Variants in SORBS3 observed in about 807,000 individuals in gnomAD.
SORBS3 encodes vinexin.
Under a neutral mutation model 98.0 loss-of-function variants are expected in SORBS3, and 69 were observed. The ratio of observed to expected loss-of-function variants is 0.70; its 90% CI spans 0.58 to 0.86. The LOEUF (loss-of-function observed/expected upper bound fraction) is 0.86, where lower values mean the gene tolerates loss of function less well. Ranked by LOEUF, SORBS3 falls within the 40% of genes least tolerant of loss-of-function variation. The probability of loss-of-function intolerance (pLI) is 0.00; values close to 1 mark genes in which losing one functional copy is unlikely to be tolerated. For missense variants in SORBS3, 954 were observed against 908.5 expected (o/e 1.05, Z -0.64); for synonymous variants, 394 against 355.4 (o/e 1.11, Z -1.22).
rs774120305 is a variant in SORBS3, at chr8:22,561,962, C to T, written c.584+31C>T. ...CACAGTGGGGCGGGGCCGAGGGCTG[C>T]GGAGGGGCGCGGCCCGCGAGACACC... On this transcript the variant is annotated intron_variant, in intron 7 of 20. Coordinates refer to ENST00000240123, the MANE Select transcript of SORBS3 (RefSeq NM_005775.5). 30 of 1,605,592 alleles carry T rather than the reference C, an allele frequency of 1.9e-5. No individual in the cohort carries two copies. In the South Asian group the frequency reaches 2.9e-4, roughly 15 times the overall value.
Position 22,554,289 on chromosome 8 carries a change from C to T in SORBS3, c.-55-163C>T, listed in dbSNP as rs920670176. ...CCGGCAGGCACGGGCAGCCTGCAGG[C>T]GGGTGCCTGGCGTGGCCTGTTTCCT... On this transcript the variant is annotated intron_variant, in intron 1 of 20. Coordinates refer to ENST00000240123, the MANE Select transcript of SORBS3 (RefSeq NM_005775.5). The surrounding 1 kb of genome is among the most constrained non-coding windows in gnomAD (Gnocchi z 6.5). 6 of 616,410 alleles carry T rather than the reference C, an allele frequency of 9.7e-6. No individual in the cohort carries two copies. The highest frequency in any genetic ancestry group is 2.5e-5 in the South Asian group (1 of 40,056). The allele number at this position is 616,410 out of a possible 1,614,324, so 38.2% of individuals were successfully genotyped here. A position where few individuals can be genotyped will look rare whatever the true frequency, so the allele number is the denominator to read the frequency against.
At position 22,564,055 on chromosome 8, in the gene SORBS3, C is replaced by T; in HGVS notation, c.653C>T (p.Thr218Ile). The T allele has an allele frequency of 2.5e-6, 4 of 1,613,878 alleles. No homozygotes were observed. Among genetic ancestry groups the T allele is most frequent in the Non-Finnish European group, 3.4e-6 (4 of 1,179,996 alleles). The change falls in exon 8 of 21, where the codon ACT becomes ATT. Residue 218 changes from threonine to isoleucine, a missense_variant. Physicochemically the swap from Thr to Ile is moderately conservative, Grantham distance 89 (BLOSUM62 -1). Coordinates refer to ENST00000240123, the MANE Select transcript of SORBS3 (RefSeq NM_005775.5). ...AACTACAGACCTGGAGCATTCTCCA[C>T]TGTGCTGCAGCCCTCAAATCAGGTA... is the stretch of plus-strand genomic sequence containing the variant. ...TFNYRPGAFS[T>I]VLQPSNQVLR...
intron 3 of SORBS3, among the ~76,000 whole-genome samples, chr8:22,555,896 A>G (rs7462433): frequency 0.019 from 2,839 of 152,298 alleles, 90 homozygotes; most frequent in African/African-American, 0.063. Flanking sequence ...CACCCACACA[A>G]TTATGGAACA....
chr8:22,558,217 T>C (rs1214439978), intron 5 of SORBS3, 25 bp downstream of exon 5: 1 of 1,611,276 alleles, frequency 6.2e-7, no homozygotes, highest in African/African-American at 1.3e-5. Flanking sequence ...CAGGGCCCTC[T>C]CCCTGCCAAA....
At chr8:22,561,629 A>G (rs1030574441) in intron 6 of SORBS3, 13 of 611,258 alleles carry the variant, frequency 2.1e-5, no homozygotes, top group African/African-American at 1.3e-4. Context: ...TTCCTCATCT[A>G]TAAGATGAGA....
intron 12 of SORBS3, 38 bp downstream of exon 12, chr8:22,565,910 C>A: frequency 8.2e-7 from 1 of 1,216,852 alleles, no homozygotes; most frequent in Non-Finnish European, 1.0e-6. Flanking sequence ...GGGGCTGTCC[C>A]AGGCCGGGCG....
upstream of SORBS3, chr8:22,551,874 G>T: frequency 4.1e-6 from 4 of 985,228 alleles, no homozygotes; most frequent in South Asian, 1.4e-4. This position sits in a 1 kb window ranked among gnomAD's most constrained non-coding sequence, Gnocchi z 5.8. Context: ...GGCCCGGCCC[G>T]GCCCGTCCTG....
Position 22,569,199 on chromosome 8 carries a change from G to T in SORBS3, c.1357G>T (p.Val453Leu). 6.2e-7 allele frequency: 1 copy of T among 1,611,422 alleles called. No individual in the cohort carries two copies. Residue 453 changes from valine to leucine, a missense_variant, in exon 17 of 21, where the codon GTG becomes TTG. Coordinates refer to ENST00000240123, the MANE Select transcript of SORBS3 (RefSeq NM_005775.5). ...GCCCATCAAGCCCCCGACCTACCAGGTGCTGGAGTATGGAGAGGCTGTGGC... is the reference window on the plus strand; with the variant it reads ...GCCCATCAAGCCCCCGACCTACCAGTTGCTGGAGTATGGAGAGGCTGTGGC... ...PKPIKPPTYQ[V>L]LEYGEAVAQY...
chr8:22,567,115 G>C lies in SORBS3; in HGVS notation c.1245G>C (p.Lys415Asn). 6.2e-7 allele frequency: 1 copy of C among 1,613,542 alleles called. No individual in the cohort carries two copies. Among genetic ancestry groups the C allele is most frequent in the Non-Finnish European group, 8.5e-7 (1 of 1,179,796 alleles). ...TCTACATCCACAAGGAGGTGGACAAGAACTGGCTGGAGGGAGAGCACCACG... is the reference window on the plus strand; with the variant it reads ...TCTACATCCACAAGGAGGTGGACAACAACTGGCTGGAGGGAGAGCACCACG... ...DIVYIHKEVDKNWLEGEHHGR... is the reference protein window; with the variant it reads ...DIVYIHKEVDNNWLEGEHHGR... The change falls in exon 16 of 21, where the codon AAG becomes AAC. Residue 415 changes from lysine (K) to asparagine (N), a missense_variant. Transcript: ENST00000240123.
At chr8:22,565,029 G>T in intron 10 of SORBS3, 1 of 1,398,982 alleles carries the variant, frequency 7.1e-7, no homozygotes. Context: ...CTGCGGAATC[G>T]CGGGATCAGG....
In SORBS3 at chr8:22,558,663, A is replaced by G. The variant is rs530477934; in HGVS notation, c.478+471A>G. Among the ~76,000 whole-genome samples the G allele has an allele frequency of 6.6e-5, 10 of 152,376 alleles. No homozygotes were observed. In the East Asian group the frequency reaches 1.9e-3, roughly 29 times the overall value. Reference sequence around the variant, plus strand: ...CATGCTGAGCACTATTCTAGGTGCCAAAGATCAAAGGAAGTCACACAATAA... The same window carrying G: ...CATGCTGAGCACTATTCTAGGTGCCGAAGATCAAAGGAAGTCACACAATAA... On this transcript the variant is annotated intron_variant, in intron 5 of 20. Transcript: ENST00000240123.
chr8:22,569,022 C>A, intron 16 of SORBS3, 126 bp from the exon 17 acceptor site: 1 of 1,003,962 alleles, frequency 1.0e-6, no homozygotes, highest in Non-Finnish European at 1.4e-6. Flanking sequence ...GGGCTTGTGT[C>A]TGGTGTTTAT....
chr8:22,560,486 G>C (rs1307068877), intron 5 of SORBS3, among the ~76,000 whole-genome samples: 1 of 152,190 alleles, frequency 6.6e-6, no homozygotes, highest in African/African-American at 2.4e-5. Flanking sequence ...AAAACGGAGA[G>C]ATCTCCCTGG....
At chr8:22,561,459 G>C in intron 6 of SORBS3, 86 bp downstream of exon 6, 1 of 1,471,230 alleles carries the variant, frequency 6.8e-7, no homozygotes, top group Non-Finnish European at 9.5e-7. Flanking sequence ...GCCCCGCCTG[G>C]CTTTGGGGCT....
At chr8:22,565,785 C>A in intron 11 of SORBS3, 41 bp from the exon 12 acceptor site, 1 of 1,318,252 alleles carries the variant, frequency 7.6e-7, no homozygotes, top group South Asian at 2.0e-5. Flanking sequence ...GCCGCTGGGT[C>A]CCGGGGTCGC....
rs764031159 is a variant in SORBS3 at position 22,564,044 on chromosome 8, A to G, written c.642A>G (p.Gly214=). 5 of 1,613,962 alleles carry G rather than the reference A, an allele frequency of 3.1e-6. No individual in the cohort carries two copies. The highest frequency in any genetic ancestry group is 2.2e-5 in the South Asian group (2 of 91,084). Residue 214 remains glycine (G), a synonymous_variant, in exon 8 of 21, where the codon GGA becomes GGG. Transcript: ENST00000240123. ...LPRSTFNYRP[G]AFSTVLQPSN... is the part of the protein sequence containing the mutation. ...GAAGCACCTTCAACTACAGACCTGG[A>G]GCATTCTCCACTGTGCTGCAGCCCT...
intron 16 of SORBS3, among the ~76,000 whole-genome samples, chr8:22,568,886 G>C (rs569235465): frequency 6.6e-6 from 1 of 152,176 alleles, no homozygotes; most frequent in Non-Finnish European, 1.5e-5. Flanking sequence ...TTTTCTCTTG[G>C]AGTTCTTCAC....
At chr8:22,566,157 G>C in intron 12 of SORBS3, 188 bp from the exon 13 acceptor site, 1 of 798,866 alleles carries the variant, frequency 1.3e-6, no homozygotes, top group East Asian at 3.2e-5. Flanking sequence ...GCTGGGCCCT[G>C]CCGGGCCTCA....
intron 20 of SORBS3, 55 bp from the exon 21 acceptor site, chr8:22,574,612 G>T (rs1840679963): frequency 6.4e-7 from 1 of 1,571,344 alleles, no homozygotes. Context: ...CCTCACCCCT[G>T]CATCCCTGTT....
Sources: gnomAD v4.1 joint callset for allele counts (sites outside exome capture counted in the v4.1 genomes callset) on GRCh38, gnomAD v4.1.1 for gene constraint, Gnocchi (gnomAD v3.1) non-coding constraint, MANE v1.5 for transcripts, NCBI Gene and HGNC (gene_info 2026-07-23, HGNC 2026-07-21) for gene names.